PTPRD: variants seen among roughly 807,000 people sequenced by gnomAD.
PTPRD encodes the protein protein tyrosine phosphatase receptor type D.
Under a neutral mutation model 214.5 loss-of-function variants are expected in PTPRD, and 34 were observed. The ratio of observed to expected loss-of-function variants is 0.16; its 90% CI spans 0.12 to 0.21. The LOEUF is 0.21. Ranked by LOEUF, PTPRD falls within the 10% of genes least tolerant of loss-of-function variation. PTPRD has a pLI of 1.00. For synonymous variants in PTPRD, 1,128 were observed against 845.7 expected (o/e 1.33, Z -5.79); for missense variants, 2,545 against 2,398.7 (o/e 1.06, Z -1.27).
At chr9:8,848,133 G>A (rs1437664921) in intron 11 of PTPRD, among the ~76,000 whole-genome samples, 1 of 151,838 alleles carries the variant, frequency 6.6e-6, no homozygotes, top group Non-Finnish European at 1.5e-5. Flanking sequence ...ATCACTGGCA[G>A]AATAGGATAA....
intron 37 of PTPRD, among the ~76,000 whole-genome samples, chr9:8,387,511 C>T (rs1322414511): frequency 1.3e-5 from 2 of 152,168 alleles, no homozygotes; most frequent in Admixed American, 6.6e-5. Context: ...CAAATGACTG[C>T]TTGTTACCAG....
chr9:9,899,820 A>G (rs1411824661), intron 5 of PTPRD, among the ~76,000 whole-genome samples: 1 of 152,136 alleles, frequency 6.6e-6, no homozygotes, highest in African/African-American at 2.4e-5. Flanking sequence ...CAAGAAACAG[A>G]TAAAGAAGAT....
intron 9 of PTPRD, among the ~76,000 whole-genome samples, chr9:9,362,168 G>A (rs1209681167): frequency 6.6e-6 from 1 of 151,040 alleles, no homozygotes; most frequent in Non-Finnish European, 1.5e-5. Context: ...GGCATCGCAA[G>A]GGATGGCAAA....
chr9:10,579,105 G>A (rs1160755175), intron 2 of PTPRD, among the ~76,000 whole-genome samples: 1 of 151,938 alleles, frequency 6.6e-6, no homozygotes, highest in Non-Finnish European at 1.5e-5. Context: ...CCTGATGTGT[G>A]TTGTTCCCCT....
intron 4 of PTPRD, among the ~76,000 whole-genome samples, chr9:9,943,256 G>C (rs1351237071): frequency 6.6e-6 from 1 of 152,138 alleles, no homozygotes; most frequent in African/African-American, 2.4e-5. Flanking sequence ...GATGGCCTTG[G>C]AATATTTTGT....
At chr9:8,750,774 C>T (rs2093440980) in intron 11 of PTPRD, among the ~76,000 whole-genome samples, 1 of 152,094 alleles carries the variant, frequency 6.6e-6, no homozygotes. Context: ...AAAGTGGGCC[C>T]AGGTTGCACA....
intron 5 of PTPRD, among the ~76,000 whole-genome samples, chr9:9,838,170 G>A (rs1473607584): frequency 2.0e-5 from 3 of 152,058 alleles, no homozygotes; most frequent in Non-Finnish European, 4.4e-5. Flanking sequence ...GTCTATCATT[G>A]TTGGACATTT....
chr9:9,330,555 A>T (rs1260059607), intron 9 of PTPRD, among the ~76,000 whole-genome samples: 1 of 152,020 alleles, frequency 6.6e-6, no homozygotes, highest in Non-Finnish European at 1.5e-5. Context: ...TACAATAAGT[A>T]ATATTATTAA....
chr9:8,832,408 A>ACCTT (rs1407542882), intron 11 of PTPRD, among the ~76,000 whole-genome samples: 26 of 62,936 alleles, frequency 4.1e-4, no homozygotes, highest in African/African-American at 2.0e-3. Flanking sequence ...AGCTAAAATC[A>ACCTT]TCTTTTTTTT....
At chr9:8,921,017 T>C (rs2098823816) in intron 11 of PTPRD, among the ~76,000 whole-genome samples, 3 of 152,164 alleles carry the variant, frequency 2.0e-5, no homozygotes, top group South Asian at 4.1e-4. Flanking sequence ...TATCACCATG[T>C]TGGCCAGGCT....
In PTPRD at chr9:9,988,712, G is replaced by A. The variant is rs190719883; in HGVS notation, c.-472+45006C>T. Among the ~76,000 whole-genome samples the A allele has an allele frequency of 1.3e-4, 20 of 151,810 alleles. No homozygotes were observed. The East Asian group carries it at 3.7e-3, about 28-fold the overall frequency. ...ATAACAAGTGCTGTTACATATCTAG[G>A]TATAGTAGAGCTCAGTATATAAAAA... On this transcript the variant is annotated intron_variant, in intron 4 of 45. Coordinates refer to ENST00000381196, the MANE Select transcript of PTPRD (RefSeq NM_002839.4).
At chr9:8,965,852 C>G (rs527709163) in intron 11 of PTPRD, among the ~76,000 whole-genome samples, 5 of 152,126 alleles carry the variant, frequency 3.3e-5, no homozygotes, top group Non-Finnish European at 7.4e-5. Flanking sequence ...CAAATTATTT[C>G]TCTTCACTGA....
chr9:10,282,909 T>G (rs1410901613), intron 3 of PTPRD, among the ~76,000 whole-genome samples: 2 of 152,120 alleles, frequency 1.3e-5, no homozygotes, highest in African/African-American at 2.4e-5. Context: ...TCACCAAAAC[T>G]CTATTCTCTC....
intron 5 of PTPRD, among the ~76,000 whole-genome samples, chr9:9,838,476 T>C (rs550806116): frequency 3.5e-4 from 53 of 152,268 alleles, no homozygotes; most frequent in East Asian, 5.8e-4. Context: ...TGGTGTGAGA[T>C]TGTATCTCAT....
At chr9:8,321,679 G>A (rs12002436) in intron 44 of PTPRD, among the ~76,000 whole-genome samples, 1,908 of 151,448 alleles carry the variant, frequency 0.013, 29 homozygotes, top group African/African-American at 0.044. Flanking sequence ...TTAAATTAAA[G>A]ATACTCTTTT....
At chr9:9,819,601 T>A (rs1329441526) in intron 5 of PTPRD, among the ~76,000 whole-genome samples, 2 of 152,160 alleles carry the variant, frequency 1.3e-5, no homozygotes, top group Non-Finnish European at 2.9e-5. Context: ...GTACGAATGA[T>A]CCTATCACCC....
intron 36 of PTPRD, among the ~76,000 whole-genome samples, chr9:8,403,345 A>C (rs934190831): frequency 6.6e-6 from 1 of 152,220 alleles, no homozygotes; most frequent in Non-Finnish European, 1.5e-5. Flanking sequence ...TATCTTCAAG[A>C]ATGTAAACAG....
intron 10 of PTPRD, among the ~76,000 whole-genome samples, chr9:9,081,678 C>G (rs963939010): frequency 6.6e-6 from 1 of 151,964 alleles, no homozygotes; most frequent in Non-Finnish European, 1.5e-5. Context: ...TCTGGGTGCT[C>G]CTGTATTGGG....
chr9:8,353,910 G>GTATATATGTATATATGTA lies in PTPRD; in HGVS notation c.4662-11933_4662-11932insTACATATATACATATATA, dbSNP rs1564201731. Among the ~76,000 whole-genome samples the GTATATATGTATATATGTA allele has an allele frequency of 1.4e-4, 14 of 100,772 alleles. No homozygotes were observed. In the South Asian group the frequency reaches 2.2e-3, roughly 16 times the overall value. The allele number at this position is 100,772 out of a possible 152,430, so 66.1% of individuals were successfully genotyped here. On this transcript the variant is annotated intron_variant, in intron 39 of 45. Coordinates refer to ENST00000381196, the MANE Select transcript of PTPRD (RefSeq NM_002839.4). ...TATATATGTATATATGTATATATGTGTATATATGTATATATATGTGTGTGT... is the reference window on the plus strand; with the variant it reads ...TATATATGTATATATGTATATATGTGTATATATGTATATATGTATATATATGTATATATATGTGTGTGT...
Sources: gnomAD v4.1 joint callset for allele counts (sites outside exome capture counted in the v4.1 genomes callset) on GRCh38, gnomAD v4.1.1 for gene constraint, MANE v1.5 for transcripts, NCBI Gene and HGNC (gene_info 2026-07-23, HGNC 2026-07-21) for gene names.